NRXN1: variants seen among roughly 807,000 people sequenced by gnomAD.
The protein encoded by NRXN1 is neurexin-1.
NRXN1 carries 39 observed loss-of-function variants against 150.9 expected under a neutral mutation model. The ratio of observed to expected loss-of-function variants is 0.26; its 90% CI spans 0.20 to 0.34. The LOEUF (loss-of-function observed/expected upper bound fraction) is 0.34. Among genes scored for constraint, NRXN1 ranks in the 10% least tolerant of loss-of-function variants. The probability of loss-of-function intolerance (pLI) is 1.00; values close to 1 mark genes in which losing one functional copy is unlikely to be tolerated. For missense variants in NRXN1, 1,815 were observed against 1,949.9 expected, an observed-to-expected ratio of 0.93 and a Z score of 1.30; for synonymous variants, 924 against 757.0, an observed-to-expected ratio of 1.22 and a Z score of -3.62.
chr2:50,267,623 G>A (rs7579558), intron 17 of NRXN1, among the ~76,000 whole-genome samples: 22,091 of 151,900 alleles, frequency 0.15, 1,821 homozygotes, highest in African/African-American at 0.23. Context: ...TCTGACATTC[G>A]ATTTATAACA....
At chr2:50,046,111 C>A (rs1387106876) in intron 21 of NRXN1, among the ~76,000 whole-genome samples, 1 of 152,152 alleles carries the variant, frequency 6.6e-6, no homozygotes, top group Non-Finnish European at 1.5e-5. Flanking sequence ...TTCCTGAGTG[C>A]TCAGTCAACA....
intron 5 of NRXN1, among the ~76,000 whole-genome samples, chr2:50,839,777 G>A (rs1204953441): frequency 6.6e-6 from 1 of 152,098 alleles, no homozygotes; most frequent in Non-Finnish European, 1.5e-5. Context: ...AGACAGAGAA[G>A]AAATAAGATA....
At chr2:50,162,075 A>G (rs1315849356) in intron 18 of NRXN1, among the ~76,000 whole-genome samples, 1 of 152,164 alleles carries the variant, frequency 6.6e-6, no homozygotes, top group East Asian at 1.9e-4. Flanking sequence ...CCTGTGTTAA[A>G]GAGATCAACT....
chr2:49,964,423 A>G (rs1349430317), intron 21 of NRXN1, among the ~76,000 whole-genome samples: 1 of 151,622 alleles, frequency 6.6e-6, no homozygotes, highest in African/African-American at 2.4e-5. Context: ...TACTAAAAAT[A>G]CAAAAAATTA....
chr2:50,454,770 A>G (rs560901129), intron 17 of NRXN1, among the ~76,000 whole-genome samples: 2 of 152,114 alleles, frequency 1.3e-5, no homozygotes, highest in Non-Finnish European at 2.9e-5. Flanking sequence ...AAGTGTTATG[A>G]GAAATAATAC....
intron 8 of NRXN1, among the ~76,000 whole-genome samples, chr2:50,578,542 T>G (rs2105508009): frequency 6.6e-6 from 1 of 152,272 alleles, no homozygotes; most frequent in Non-Finnish European, 1.5e-5. Context: ...AACCAGGGTA[T>G]TTACATAAAC....
chr2:49,926,946 C>G (rs1194233143), intron 22 of NRXN1, among the ~76,000 whole-genome samples: 1 of 152,140 alleles, frequency 6.6e-6, no homozygotes, highest in Non-Finnish European at 1.5e-5. Context: ...CCTCCATTCT[C>G]CTCTGTATTT....
chr2:50,673,011 T>C (rs140174749), intron 5 of NRXN1, among the ~76,000 whole-genome samples: 2,100 of 152,168 alleles, frequency 0.014, 45 homozygotes, highest in African/African-American at 0.048. Context: ...ACTTAACTGG[T>C]ATTTATTTAA....
chr2:50,782,989 T>G (rs537860936), intron 5 of NRXN1, among the ~76,000 whole-genome samples: 15 of 152,158 alleles, frequency 9.9e-5, no homozygotes, highest in Non-Finnish European at 1.9e-4. Context: ...AGACTTGCGC[T>G]CTGATAATGT....
chr2:50,208,934 G>A (rs2062814760), intron 18 of NRXN1, among the ~76,000 whole-genome samples: 1 of 152,086 alleles, frequency 6.6e-6, no homozygotes, highest in Non-Finnish European at 1.5e-5. Context: ...TATAGAGACT[G>A]TATGTAATTT....
In NRXN1 at chr2:51,028,355, G is replaced by A; in HGVS notation, c.-82C>T. The A allele has an allele frequency of 1.1e-6, 1 of 931,194 alleles. No homozygotes were observed. Among genetic ancestry groups the A allele is most frequent in the South Asian group, 2.3e-5 (1 of 42,718 alleles). The allele number at this position is 931,194 out of a possible 1,614,324, so 57.7% of individuals were successfully genotyped here. A position where few individuals can be genotyped will look rare whatever the true frequency, so the allele number is the denominator to read the frequency against. The stretch of plus-strand genomic sequence containing the variant: ...TGGACACCGTGACGAAGAAATAAGG[G>A]TCCCGAGAGACAGAAAGGTAAGGGG... On this transcript the variant is annotated 5_prime_UTR_variant, in exon 2 of 23. Transcript: ENST00000401669.
At chr2:50,520,824 A>G (rs573409534) in intron 12 of NRXN1, among the ~76,000 whole-genome samples, 1 of 152,184 alleles carries the variant, frequency 6.6e-6, no homozygotes, top group East Asian at 1.9e-4. Context: ...CAACACTATT[A>G]GGTGAATATG....
At chr2:50,311,720 A>T (rs1457833482) in intron 17 of NRXN1, among the ~76,000 whole-genome samples, 2 of 152,148 alleles carry the variant, frequency 1.3e-5, no homozygotes, top group South Asian at 4.1e-4. Context: ...TATAAAAAGT[A>T]TTTGACTTAT....
chr2:50,142,948 T>A (rs1707484009), intron 18 of NRXN1, among the ~76,000 whole-genome samples: 2 of 151,920 alleles, frequency 1.3e-5, no homozygotes, highest in Admixed American at 1.3e-4. Flanking sequence ...CAGTCTGAAC[T>A]ATCACCCTAT....
intron 5 of NRXN1, among the ~76,000 whole-genome samples, chr2:50,872,665 A>G (rs1256370076): frequency 6.6e-6 from 1 of 151,712 alleles, no homozygotes; most frequent in African/African-American, 2.4e-5. Context: ...ACACCTGAAA[A>G]TCTCAGGCCT....
In NRXN1 at chr2:50,396,735, C is replaced by T. The variant is rs193049078; in HGVS notation, c.3364+68707G>A. ...AGGTGAAGTGCAAAAATACTGATCA[C>T]GGTGCTCAAACATTCTGGAGGAGTA... is the stretch of plus-strand genomic sequence containing the variant. On this transcript the variant is annotated intron_variant, in intron 17 of 22. Transcript: ENST00000401669. Among the ~76,000 whole-genome samples the T allele has an allele frequency of 1.2e-4, 19 of 152,112 alleles. No homozygotes were observed. The East Asian group carries it at 3.7e-3, about 30-fold the overall frequency.
intron 5 of NRXN1, among the ~76,000 whole-genome samples, chr2:50,708,539 A>G (rs1694742390): frequency 6.6e-6 from 1 of 152,174 alleles, no homozygotes; most frequent in African/African-American, 2.4e-5. Context: ...CAAGCTGCAC[A>G]GTTTAAGAGA....
At chr2:50,096,361 T>A (rs960945862) in intron 18 of NRXN1, among the ~76,000 whole-genome samples, 1 of 152,142 alleles carries the variant, frequency 6.6e-6, no homozygotes, top group Non-Finnish European at 1.5e-5. Context: ...AACACAACCA[T>A]CTCATGTTTA....
At chr2:50,086,357 T>C (rs1453330429) in intron 19 of NRXN1, among the ~76,000 whole-genome samples, 1 of 152,156 alleles carries the variant, frequency 6.6e-6, no homozygotes, top group Non-Finnish European at 1.5e-5. Flanking sequence ...CCCTGAAATA[T>C]TTTACCAGAT....
Sources: gnomAD v4.1 joint callset for allele counts (sites outside exome capture counted in the v4.1 genomes callset) on GRCh38, gnomAD v4.1.1 for gene constraint, MANE v1.5 for transcripts, NCBI Gene and HGNC (gene_info 2026-07-23, HGNC 2026-07-21) for gene names.